Variants in PRKCB observed in about 807,000 individuals in gnomAD.
PRKCB encodes protein kinase C beta type.
A neutral mutation model predicts 81.5 loss-of-function variants in PRKCB; 13 were observed. The observed-to-expected ratio is 0.16, with a 90% confidence interval of 0.10 to 0.25. PRKCB has a LOEUF of 0.25. Ranked by LOEUF, PRKCB falls within the 10% of genes least tolerant of loss-of-function variation. The pLI, the probability that PRKCB is intolerant of heterozygous loss-of-function variation, is 1.00. For missense variants in PRKCB, 509 were observed against 875.7 expected, an observed-to-expected ratio of 0.58 and a Z score of 5.29; for synonymous variants, 335 against 321.4, an observed-to-expected ratio of 1.04 and a Z score of -0.45.
chr16:23,863,242 A>ATATATATGTG (rs1962712608), intron 2 of PRKCB, among the ~76,000 whole-genome samples: 3 of 60,646 alleles, frequency 4.9e-5, no homozygotes, highest in Admixed American at 2.0e-4. Flanking sequence ...ATATATATAC[A>ATATATATGTG]TATATATACA....
chr16:23,874,037 G>A (rs1962955534), intron 2 of PRKCB, among the ~76,000 whole-genome samples: 1 of 152,068 alleles, frequency 6.6e-6, no homozygotes, highest in South Asian at 2.1e-4. Flanking sequence ...TTCAAAGTTG[G>A]AAGGGAAAAT....
At chr16:24,196,209 TGC>T (rs1967876441) in intron 16 of PRKCB, among the ~76,000 whole-genome samples, 1 of 152,218 alleles carries the variant, frequency 6.6e-6, no homozygotes, top group Non-Finnish European at 1.5e-5. Context: ...ACATTATAGG[TGC>T]TCAGGAATTC....
Position 23,993,712 on chromosome 16 carries a change from G to A in PRKCB, c.288+5122G>A, listed in dbSNP as rs535612786. On this transcript the variant is annotated intron_variant, in intron 3 of 16. Coordinates refer to ENST00000643927, the MANE Select transcript of PRKCB (RefSeq NM_002738.7). ...ATAATTGGGTCCTGGAGTATCAGGGGCCATTTGGTGGCACTCAACTGTTAA... is the reference window on the plus strand; with the variant it reads ...ATAATTGGGTCCTGGAGTATCAGGGACCATTTGGTGGCACTCAACTGTTAA... 3.2e-4 allele frequency among the ~76,000 whole-genome samples: 49 copies of A among 152,340 alleles called. 1 individual carries two copies. The South Asian group carries it at 9.1e-3, about 28-fold the overall frequency.
intron 5 of PRKCB, among the ~76,000 whole-genome samples, chr16:24,064,107 G>A (rs1051346716): frequency 2.0e-5 from 3 of 151,714 alleles, no homozygotes; most frequent in Non-Finnish European, 2.9e-5. Flanking sequence ...CCAGGTTGCC[G>A]TCCTTCTTAC....
chr16:24,206,965 C>A (rs1051290021), intron 16 of PRKCB, among the ~76,000 whole-genome samples: 1 of 152,216 alleles, frequency 6.6e-6, no homozygotes, highest in South Asian at 2.1e-4. Context: ...GGGTCTCACT[C>A]TGTCACCCAG....
intron 3 of PRKCB, among the ~76,000 whole-genome samples, chr16:23,995,875 C>A (rs1020541636): frequency 7.9e-5 from 12 of 152,032 alleles, no homozygotes; most frequent in Non-Finnish European, 1.0e-4. Context: ...TGTTTCTGTA[C>A]GGTGTGCAGA....
chr16:23,837,732 G>A lies in PRKCB; in HGVS notation c.205+326G>A, dbSNP rs116766517. On this transcript the variant is annotated intron_variant, in intron 2 of 16. Coordinates refer to ENST00000643927, the MANE Select transcript of PRKCB (RefSeq NM_002738.7). ...AAAGTGTTTTCCCGGGACGTTTCTG[G>A]GAGAACCTGTCCTCCTTAGTTCCCC... Among the ~76,000 whole-genome samples, 1,494 of 152,220 alleles carry A rather than the reference G, an allele frequency of 9.8e-3. 22 individuals are homozygous for A. Among genetic ancestry groups the A allele is most frequent in the African/African-American group, 0.033 (1,390 of 41,514 alleles).
intron 16 of PRKCB, among the ~76,000 whole-genome samples, chr16:24,198,086 T>C (rs534772515): frequency 7.4e-4 from 113 of 152,232 alleles, no homozygotes; most frequent in African/African-American, 2.3e-3. Flanking sequence ...GGGAGTTGCT[T>C]TGTGTCTGGG....
intron 2 of PRKCB, among the ~76,000 whole-genome samples, chr16:23,866,234 G>T (rs1052299986): frequency 4.6e-5 from 7 of 152,134 alleles, no homozygotes; most frequent in African/African-American, 1.4e-4. Context: ...ATCAGGGGAG[G>T]TAGAAACCTC....
At chr16:24,093,393 A>T (rs1966400270) in intron 6 of PRKCB, among the ~76,000 whole-genome samples, 1 of 152,202 alleles carries the variant, frequency 6.6e-6, no homozygotes, top group Admixed American at 6.5e-5. Context: ...TTCCCTGGCC[A>T]GGGCTCCAAG....
intron 12 of PRKCB, among the ~76,000 whole-genome samples, chr16:24,176,254 G>GAT (rs1967529302): frequency 6.6e-6 from 1 of 152,034 alleles, no homozygotes; most frequent in African/African-American, 2.4e-5. Flanking sequence ...GTTTTACTTG[G>GAT]CATGTGGGTG....
chr16:24,168,876 T>A (rs1967394767), intron 10 of PRKCB, among the ~76,000 whole-genome samples: 2 of 151,938 alleles, frequency 1.3e-5, no homozygotes, highest in Non-Finnish European at 2.9e-5. Context: ...TTCTATTATT[T>A]TTTTTTAAGT....
chr16:23,925,799 G>T (rs1251111524), intron 2 of PRKCB, among the ~76,000 whole-genome samples: 1 of 151,840 alleles, frequency 6.6e-6, no homozygotes, highest in South Asian at 2.1e-4. Flanking sequence ...CTTCCAAGAA[G>T]GATGACTATT....
At chr16:24,107,495 C>T (rs75382247) in intron 7 of PRKCB, among the ~76,000 whole-genome samples, 171 of 152,198 alleles carry the variant, frequency 1.1e-3, no homozygotes, top group African/African-American at 3.9e-3. Flanking sequence ...GACATTTGGG[C>T]GGGGCTACAG....
intron 3 of PRKCB, among the ~76,000 whole-genome samples, chr16:24,023,606 G>T (rs967666142): frequency 2.0e-5 from 3 of 152,086 alleles, no homozygotes; most frequent in African/African-American, 7.2e-5. Context: ...CTGACCTCGT[G>T]ATCCGCCAGC....
In PRKCB at chr16:24,021,085, T is replaced by TTC. The variant is rs1555491083; in HGVS notation, c.289-11049_289-11048dup. 2.5e-3 allele frequency among the ~76,000 whole-genome samples: 320 copies of TTC among 130,242 alleles called. 11 individuals carry two copies. The highest frequency in any genetic ancestry group is 9.4e-3 in the African/African-American group (307 of 32,732). 85.4% of individuals were successfully genotyped at this position (130,242 alleles called of 152,430 possible). A position where few individuals can be genotyped will look rare whatever the true frequency, so the allele number is the denominator to read the frequency against. On this transcript the variant is annotated intron_variant, in intron 3 of 16. Transcript: ENST00000643927. ...CTCCCTCCCTCCCTTCTTTCTTTCTTTCTTTTTTTCTTTCTTTCTTTCCTT... is the reference window on the plus strand; with the variant it reads ...CTCCCTCCCTCCCTTCTTTCTTTCTTTCTCTTTTTTTCTTTCTTTCTTTCCTT...
chr16:24,102,259 G>A (rs1966518583), intron 7 of PRKCB, among the ~76,000 whole-genome samples: 1 of 152,164 alleles, frequency 6.6e-6, no homozygotes, highest in Non-Finnish European at 1.5e-5. Flanking sequence ...CTGTGAAGTT[G>A]ATGACATAAT....
chr16:23,889,691 A>G (rs971410990), intron 2 of PRKCB, among the ~76,000 whole-genome samples: 10 of 152,220 alleles, frequency 6.6e-5, no homozygotes, highest in Non-Finnish European at 1.5e-4. Context: ...AAAATCTTTG[A>G]GTTATGGCTG....
chr16:23,918,169 A>T lies in PRKCB; in HGVS notation c.206-70339A>T, dbSNP rs191731318. Among the ~76,000 whole-genome samples, 5 of 152,140 alleles carry T rather than the reference A, an allele frequency of 3.3e-5. No individual in the cohort carries two copies. In the East Asian group the frequency reaches 9.7e-4, roughly 29 times the overall value. ...GGGGGATGTTTTGACACTTGGAGGG[A>T]TGGGAGGGAGCCAACAAAGATGTAA... On this transcript the variant is annotated intron_variant, in intron 2 of 16. Coordinates refer to ENST00000643927, the MANE Select transcript of PRKCB (RefSeq NM_002738.7).
Sources: gnomAD v4.1 joint callset for allele counts (sites outside exome capture counted in the v4.1 genomes callset) on GRCh38, gnomAD v4.1.1 for gene constraint, MANE v1.5 for transcripts, NCBI Gene and HGNC (gene_info 2026-07-23, HGNC 2026-07-21) for gene names.